LHFPL3: variants seen among roughly 807,000 people sequenced by gnomAD.
LHFPL3 encodes LHFPL tetraspan subfamily member 3.
A neutral mutation model predicts 19.3 loss-of-function variants in LHFPL3; 5 were observed. The ratio of observed to expected loss-of-function variants is 0.26; its 90% CI spans 0.14 to 0.54. The LOEUF (loss-of-function observed/expected upper bound fraction) is 0.54. LHFPL3 is among the 20% of genes least tolerant of loss of function. The pLI is 0.94. For missense variants in LHFPL3, 249 were observed against 307.4 expected (o/e 0.81, Z 1.42); for synonymous variants, 133 against 126.2 (o/e 1.05, Z -0.36).
intron 2 of LHFPL3, among the ~76,000 whole-genome samples, chr7:104,746,728 C>T (rs1794053574): frequency 1.3e-5 from 2 of 152,172 alleles, no homozygotes; most frequent in Admixed American, 1.3e-4. Context: ...TTAATAGAAC[C>T]TGCCTGATAG....
chr7:104,331,137 C>T (rs1291705769), intron 1 of LHFPL3, among the ~76,000 whole-genome samples: 1 of 152,200 alleles, frequency 6.6e-6, no homozygotes, highest in East Asian at 1.9e-4. Context: ...GAAGTTAATA[C>T]AAACTGCAAC....
intron 2 of LHFPL3, among the ~76,000 whole-genome samples, chr7:104,856,918 T>C (rs540092664): frequency 2.6e-5 from 4 of 152,252 alleles, no homozygotes; most frequent in South Asian, 2.1e-4. Flanking sequence ...CATCAGAAAA[T>C]CTCAGGCTGC....
chr7:104,369,183 C>G (rs971840657), intron 1 of LHFPL3, among the ~76,000 whole-genome samples: 2 of 152,112 alleles, frequency 1.3e-5, no homozygotes, highest in African/African-American at 2.4e-5. Flanking sequence ...ATCAACCCCC[C>G]CAAAATTCTC....
At chr7:104,584,723 C>A (rs1197141182) in intron 1 of LHFPL3, among the ~76,000 whole-genome samples, 1 of 152,078 alleles carries the variant, frequency 6.6e-6, no homozygotes, top group African/African-American at 2.4e-5. Context: ...AAAAAATGCT[C>A]ATAGTGCCAC....
At chr7:104,604,646 T>G (rs576124454) in intron 1 of LHFPL3, among the ~76,000 whole-genome samples, 4 of 152,372 alleles carry the variant, frequency 2.6e-5, no homozygotes, top group Middle Eastern at 6.8e-3. Context: ...TTTCTATGAC[T>G]TAAAGTGCTG....
chr7:104,368,465 T>A (rs1296205927), intron 1 of LHFPL3, among the ~76,000 whole-genome samples: 1 of 152,208 alleles, frequency 6.6e-6, no homozygotes, highest in Non-Finnish European at 1.5e-5. Context: ...ATCCGCTACC[T>A]GAATGCAGTG....
chr7:104,424,346 A>G (rs1791796897), intron 1 of LHFPL3, among the ~76,000 whole-genome samples: 1 of 152,204 alleles, frequency 6.6e-6, no homozygotes, highest in Non-Finnish European at 1.5e-5. Context: ...GGCTGTACGA[A>G]GGTACAGAAA....
intron 1 of LHFPL3, among the ~76,000 whole-genome samples, chr7:104,553,690 C>T (rs977737250): frequency 2.0e-5 from 3 of 152,196 alleles, no homozygotes; most frequent in African/African-American, 4.8e-5. Flanking sequence ...CTTAAGGCAA[C>T]TTACAGATTA....
chr7:104,604,562 C>G lies in LHFPL3; in HGVS notation c.446-132113C>G, dbSNP rs182586320. Among the ~76,000 whole-genome samples, 330 of 152,310 alleles carry G rather than the reference C, an allele frequency of 2.2e-3. 1 individual carries two copies. The highest frequency in any genetic ancestry group is 7.5e-3 in the African/African-American group (311 of 41,568). ...TTTCAATCTTTACATAGGCAGGCTG[C>G]AAATTTTTCAAATCTTTCCATTTTG... On this transcript the variant is annotated intron_variant, in intron 1 of 2. Transcript: ENST00000424859.
At chr7:104,695,739 T>G (rs1165324006) in intron 1 of LHFPL3, among the ~76,000 whole-genome samples, 1 of 152,202 alleles carries the variant, frequency 6.6e-6, no homozygotes, top group African/African-American at 2.4e-5. Flanking sequence ...ATACATTTGC[T>G]AAATACAGCA....
intron 1 of LHFPL3, among the ~76,000 whole-genome samples, chr7:104,410,938 G>A (rs1791523588): frequency 6.6e-6 from 1 of 152,132 alleles, no homozygotes; most frequent in Admixed American, 6.5e-5. Flanking sequence ...TTCATTTCCT[G>A]AATTGTACAG....
intron 1 of LHFPL3, among the ~76,000 whole-genome samples, chr7:104,723,750 AAGAT>A (rs1480173943): frequency 1.4e-5 from 2 of 143,832 alleles, no homozygotes; most frequent in African/African-American, 5.2e-5. Flanking sequence ...AAAAAAAAAA[AAGAT>A]GATCTCTGAT....
chr7:104,463,127 C>T (rs1322239158), intron 1 of LHFPL3, among the ~76,000 whole-genome samples: 4 of 152,032 alleles, frequency 2.6e-5, no homozygotes, highest in Non-Finnish European at 5.9e-5. Context: ...ATCTTCTCTC[C>T]TTTCTTCTTT....
chr7:104,833,028 A>ATATATATATC lies in LHFPL3; in HGVS notation c.683-73156_683-73155insATATATCTAT, dbSNP rs1254360507. 9.3e-4 allele frequency among the ~76,000 whole-genome samples: 6 copies of ATATATATATC among 6,422 alleles called. No individual in the cohort carries two copies. The Admixed American group carries it at 9.9e-3, about 11-fold the overall frequency. The allele number at this position is 6,422 out of a possible 152,430, so 4.2% of individuals were successfully genotyped here. ...TATATATATATTATATATAATAGAT[A>ATATATATATC]TATTATATATATATATTATATATAT... is the stretch of plus-strand genomic sequence containing the variant. On this transcript the variant is annotated intron_variant, in intron 2 of 2. Transcript: ENST00000424859.
intron 1 of LHFPL3, among the ~76,000 whole-genome samples, chr7:104,626,633 C>A (rs1199668168): frequency 2.0e-5 from 3 of 152,172 alleles, no homozygotes; most frequent in Admixed American, 6.5e-5. Context: ...ATGGAGCACC[C>A]TTTCTGCTGC....
intron 1 of LHFPL3, among the ~76,000 whole-genome samples, chr7:104,655,119 A>G (rs1792099087): frequency 6.6e-6 from 1 of 152,140 alleles, no homozygotes; most frequent in Non-Finnish European, 1.5e-5. Context: ...GCTCTGTACT[A>G]TGTAGCTAGA....
chr7:104,696,875 G>T (rs1793005947), intron 1 of LHFPL3, among the ~76,000 whole-genome samples: 1 of 152,258 alleles, frequency 6.6e-6, no homozygotes, highest in African/African-American at 2.4e-5. Flanking sequence ...TCCATTTGGG[G>T]CTTCTGTTTA....
chr7:104,569,696 G>A (rs542357011), intron 1 of LHFPL3, among the ~76,000 whole-genome samples: 4 of 152,136 alleles, frequency 2.6e-5, no homozygotes, highest in African/African-American at 9.7e-5. Flanking sequence ...ACAATGTTCA[G>A]TGGTGGCTAT....
intron 1 of LHFPL3, among the ~76,000 whole-genome samples, chr7:104,645,761 C>T (rs1055208648): frequency 2.2e-4 from 32 of 144,166 alleles, no homozygotes; most frequent in Middle Eastern, 3.7e-3. Flanking sequence ...CCCGGGTTCA[C>T]GCCATTCTCC....
Sources: gnomAD v4.1 joint callset for allele counts (sites outside exome capture counted in the v4.1 genomes callset) on GRCh38, gnomAD v4.1.1 for gene constraint, MANE v1.5 for transcripts, NCBI Gene and HGNC (gene_info 2026-07-23, HGNC 2026-07-21) for gene names.